Variants in GFPT2 observed in about 807,000 individuals in gnomAD.
GFPT2 encodes glutamine--fructose-6-phosphate transaminase 2.
Under a neutral mutation model 85.6 loss-of-function variants are expected in GFPT2, and 62 were observed. The observed-to-expected ratio is 0.72, with a 90% CI of 0.59 to 0.90. The LOEUF (loss-of-function observed/expected upper bound fraction) is 0.90, where lower values mean the gene tolerates loss of function less well. GFPT2 is among the 40% of genes least tolerant of loss of function. The pLI is 0.00. For synonymous variants in GFPT2, 368 were observed against 344.5 expected (o/e 1.07, Z -0.75); for missense variants, 788 against 893.4 (o/e 0.88, Z 1.50).
intron 1 of GFPT2, among the ~76,000 whole-genome samples, chr5:180,347,013 C>A (rs1764621743): frequency 6.6e-6 from 1 of 152,220 alleles, no homozygotes; most frequent in African/African-American, 2.4e-5. Context: ...TCAGGCCTAG[C>A]AAACCTGGGA....
chr5:180,319,961 T>C (rs984533965), intron 9 of GFPT2, among the ~76,000 whole-genome samples: 2 of 152,130 alleles, frequency 1.3e-5, no homozygotes, highest in African/African-American at 4.8e-5. Flanking sequence ...CTACAAGCTA[T>C]GCTTACCAAA....
chr5:180,341,406 T>A (rs2127656846), intron 1 of GFPT2, among the ~76,000 whole-genome samples: 1 of 152,306 alleles, frequency 6.6e-6, no homozygotes, highest in East Asian at 1.9e-4. Context: ...ATATGCTACA[T>A]CTGAATAAAT....
intron 5 of GFPT2, chr5:180,331,071 C>T (rs1764291979): frequency 1.8e-6 from 1 of 545,246 alleles, no homozygotes; most frequent in Non-Finnish European, 3.2e-6. Flanking sequence ...CTGGACATTG[C>T]AAAATAACAG....
At chr5:180,312,616 G>A in intron 14 of GFPT2, 72 bp from the exon 15 acceptor site, 2 of 820,732 alleles carry the variant, frequency 2.4e-6, no homozygotes, top group Admixed American at 3.6e-5. Flanking sequence ...TTGAGACAGG[G>A]TCTACTCTGT....
Position 180,316,540 on chromosome 5 carries a change from A to T in GFPT2, c.1153-79T>A. On this transcript the variant is annotated intron_variant, in intron 12 of 18. Coordinates refer to ENST00000253778, the MANE Select transcript of GFPT2 (RefSeq NM_005110.4). Reference sequence around the variant, plus strand: ...ACATGGGGCAGCTGGGCTTCTAGGGACAGTTTGTGACACGGAACCTCACTG... The same window carrying T: ...ACATGGGGCAGCTGGGCTTCTAGGGTCAGTTTGTGACACGGAACCTCACTG... 2.0e-6 allele frequency: 3 copies of T among 1,485,058 alleles called. No individual in the cohort carries two copies. In the South Asian group the frequency reaches 3.5e-5, roughly 17 times the overall value. 92.0% of individuals were successfully genotyped at this position (1,485,058 alleles called of 1,614,324 possible).
At chr5:180,329,860 CT>C (rs1764273870) in intron 6 of GFPT2, among the ~76,000 whole-genome samples, 1 of 152,218 alleles carries the variant, frequency 6.6e-6, no homozygotes, top group African/African-American at 2.4e-5. Context: ...GCTCCACCTC[CT>C]CCTCAGTGTA....
intron 1 of GFPT2, among the ~76,000 whole-genome samples, chr5:180,348,969 T>C (rs1581392468): frequency 1.3e-5 from 2 of 151,680 alleles, no homozygotes; most frequent in Middle Eastern, 6.8e-3. Flanking sequence ...CTCGATCTCC[T>C]GACCTCGTGA....
At chr5:180,317,758 C>CAAAAAAAA (rs11356791) in intron 10 of GFPT2, among the ~76,000 whole-genome samples, 7 of 83,202 alleles carry the variant, frequency 8.4e-5, no homozygotes, top group Admixed American at 1.3e-4. Flanking sequence ...GACTCCGTCT[C>CAAAAAAAA]AAAAAAAAAA....
At chr5:180,320,708 A>G (rs1263256671) in intron 9 of GFPT2, among the ~76,000 whole-genome samples, 1 of 152,232 alleles carries the variant, frequency 6.6e-6, no homozygotes, top group Non-Finnish European at 1.5e-5. Context: ...CGGAGGCTGC[A>G]GTGGGCTGAG....
Position 180,336,585 on chromosome 5 carries a change from G to C in GFPT2, c.116-8C>G, listed in dbSNP as rs772577121. The C allele has an allele frequency of 1.2e-5, 18 of 1,561,388 alleles. No homozygotes were observed. The Admixed American group carries it at 2.8e-4, about 25-fold the overall frequency. On this transcript the variant is annotated splice_polypyrimidine_tract_variant and splice_region_variant and intron_variant, in intron 2 of 18. Coordinates refer to ENST00000253778, the MANE Select transcript of GFPT2 (RefSeq NM_005110.4). ...TCCCATCGATCGCCACACCTGTGAT[G>C]TAGACAGCATTTGTTATATTGCAAC...
At chr5:180,331,371 C>T (rs978933464) in intron 5 of GFPT2, 124 bp downstream of exon 5, 12 of 662,226 alleles carry the variant, frequency 1.8e-5, no homozygotes, top group Admixed American at 1.1e-4. Context: ...AACACGGTGA[C>T]GTGGCTGAGT....
chr5:180,330,949 GA>G lies in GFPT2; in HGVS notation c.400-116del. On this transcript the variant is annotated intron_variant, in intron 5 of 18. Transcript: ENST00000253778. This position sits in a 1 kb window ranked among gnomAD's most constrained non-coding sequence, Gnocchi z 4.4. ...TGGAGTGACTTAAGTCAAGAACAGG[GA>G]AAACCGGGAAGGGGGGAAAAATGTT... 2.2e-6 allele frequency: 2 copies of G among 919,988 alleles called. No homozygotes were observed. The highest frequency in any genetic ancestry group is 3.3e-6 in the Non-Finnish European group (2 of 612,200). The allele number at this position is 919,988 out of a possible 1,614,324, so 57.0% of individuals were successfully genotyped here. A position where few individuals can be genotyped will look rare whatever the true frequency, so the allele number is the denominator to read the frequency against.
intron 17 of GFPT2, among the ~76,000 whole-genome samples, chr5:180,302,931 A>C (rs1224640330): frequency 6.6e-6 from 1 of 152,134 alleles, no homozygotes; most frequent in Non-Finnish European, 1.5e-5. Flanking sequence ...CAAACCAAGA[A>C]ATAAAGATGA....
In GFPT2 at chr5:180,304,897, C is replaced by T. The variant is rs1276052791; in HGVS notation, c.1717G>A (p.Ala573Thr). 2 of 1,613,166 alleles carry T rather than the reference C, an allele frequency of 1.2e-6. No individual in the cohort carries two copies. The highest frequency in any genetic ancestry group is 1.7e-6 in the Non-Finnish European group (2 of 1,179,258). The stretch of plus-strand genomic sequence containing the variant: ...AGGGGCCCGTGCTTCAGCTCCCCAG[C>T]CAGGATGCCTTCTGAGTGCATGTAG... The part of the protein sequence containing the change: ...ITYMHSEGIL[A>T]GELKHGPLAL... Residue 573 changes from alanine (A) to threonine (T), a missense_variant, in exon 17 of 19, where the codon GCT becomes ACT. Ala to Thr is a moderately conservative substitution (Grantham distance 58). Coordinates refer to ENST00000253778, the MANE Select transcript of GFPT2 (RefSeq NM_005110.4).
chr5:180,332,200 G>C (rs1764314637), intron 4 of GFPT2, among the ~76,000 whole-genome samples: 1 of 142,688 alleles, frequency 7.0e-6, no homozygotes, highest in Non-Finnish European at 1.5e-5. Context: ...GCGGCTTCCT[G>C]CACAGGTAGC....
At chr5:180,313,705 GA>G (rs1201768485) in intron 14 of GFPT2, 101 bp downstream of exon 14, 29 of 981,174 alleles carry the variant, frequency 3.0e-5, no homozygotes, top group Non-Finnish European at 4.2e-5. Context: ...GAAGGGGAAA[GA>G]AAGGCGGTGG....
intron 16 of GFPT2, among the ~76,000 whole-genome samples, chr5:180,306,450 G>C (rs1301785531): frequency 6.6e-6 from 1 of 152,242 alleles, no homozygotes; most frequent in East Asian, 1.9e-4. Context: ...TGCTGACAGC[G>C]AGGAAAGGGC....
rs57931856 is a variant in GFPT2, at chr5:180,304,328, T to A, written c.1842+444A>T. ...TGGGAATCCTTGGATTCATAGTCAG[T>A]TGCTCAGATGTGTGGGTGGACCCCT... On this transcript the variant is annotated intron_variant, in intron 17 of 18. Transcript: ENST00000253778. Among the ~76,000 whole-genome samples the A allele has an allele frequency of 2.0e-5, 3 of 152,172 alleles. No homozygotes were observed. The South Asian group carries it at 6.2e-4, about 31-fold the overall frequency.
Position 180,313,833 on chromosome 5 carries a change from G to A in GFPT2, c.1405C>T (p.Pro469Ser). The A allele has an allele frequency of 6.3e-7, 1 of 1,581,086 alleles. No individual in the cohort carries two copies. The highest frequency in any genetic ancestry group is 8.6e-7 in the Non-Finnish European group (1 of 1,167,264). Reference protein sequence around the residue: ...TDCGVHINAGPEIGVASTKAY... With the variant: ...TDCGVHINAGSEIGVASTKAY... ...TTGGTGCTGGCCACGCCGATCTCCGGCCCTGCGTTGATGTGGACGCCGCAG... is the reference window on the plus strand; with the variant it reads ...TTGGTGCTGGCCACGCCGATCTCCGACCCTGCGTTGATGTGGACGCCGCAG... The change falls in exon 14 of 19, where the codon CCG (proline) becomes TCG (serine). Residue 469 changes from proline to serine, a missense_variant. By Grantham distance (74) the Pro-to-Ser change is moderately conservative. Coordinates refer to ENST00000253778, the MANE Select transcript of GFPT2 (RefSeq NM_005110.4).
Sources: gnomAD v4.1 joint callset for allele counts (sites outside exome capture counted in the v4.1 genomes callset) on GRCh38, gnomAD v4.1.1 for gene constraint, Gnocchi (gnomAD v3.1) non-coding constraint, MANE v1.5 for transcripts, NCBI Gene and HGNC (gene_info 2026-07-23, HGNC 2026-07-21) for gene names.